AIDA: variants seen among roughly 807,000 people sequenced by gnomAD.
AIDA encodes the protein axin interactor, dorsalization associated, also known as axin interactor, dorsalization-associated protein.
A neutral mutation model predicts 42.7 loss-of-function variants in AIDA; 18 were observed. The observed-to-expected ratio is 0.42, with a 90% CI of 0.29 to 0.63. The LOEUF (loss-of-function observed/expected upper bound fraction) is 0.63, where lower values mean the gene tolerates loss of function less well. Among genes scored for constraint, AIDA ranks in the 20% least tolerant of loss-of-function variants. The probability of loss-of-function intolerance (pLI) is 0.19; values close to 1 mark genes in which losing one functional copy is unlikely to be tolerated. For missense variants in AIDA, 250 were observed against 354.1 expected (o/e 0.71, Z 2.36); for synonymous variants, 104 against 122.9 (o/e 0.85, Z 1.02).
chr1:222,673,968 T>A (rs928668281), intron 7 of AIDA, among the ~76,000 whole-genome samples: 1 of 151,200 alleles, frequency 6.6e-6, no homozygotes, highest in African/African-American at 2.4e-5. Flanking sequence ...ACACCTGTAA[T>A]CCCAGCTACT....
rs1462932146 is a variant in AIDA, at chr1:222,696,932, GTTT to G, written c.181-2672_181-2670del. 3.3e-5 allele frequency among the ~76,000 whole-genome samples: 5 copies of G among 151,878 alleles called. No individual in the cohort carries two copies. In the East Asian group the frequency reaches 9.7e-4, roughly 29 times the overall value. The stretch of plus-strand genomic sequence containing the variant: ...ATTTCTTGAAGCAGAAGCAACAGGT[GTTT>G]TTTGTTTGTTTTTGTTTTTTTTTAA... On this transcript the variant is annotated intron_variant, in intron 2 of 9. Coordinates refer to ENST00000340020, the MANE Select transcript of AIDA (RefSeq NM_022831.4).
At chr1:222,687,966 G>T (rs972206439) in intron 4 of AIDA, among the ~76,000 whole-genome samples, 26 of 152,166 alleles carry the variant, frequency 1.7e-4, no homozygotes, top group Admixed American at 1.3e-3. Flanking sequence ...GTGAGACATG[G>T]GGTACCAGAA....
At chr1:222,704,265 G>A (rs1429237828) in intron 1 of AIDA, among the ~76,000 whole-genome samples, 1 of 152,132 alleles carries the variant, frequency 6.6e-6, no homozygotes, top group Non-Finnish European at 1.5e-5. Context: ...AAACAATTTG[G>A]CCATTCCTCA....
chr1:222,704,603 G>T (rs577351525), intron 1 of AIDA, among the ~76,000 whole-genome samples: 77 of 152,222 alleles, frequency 5.1e-4, no homozygotes, highest in African/African-American at 1.8e-3. Flanking sequence ...GTCCAGACTA[G>T]ATCAATCCAC....
chr1:222,700,245 G>A (rs962671002), intron 2 of AIDA, among the ~76,000 whole-genome samples: 2 of 152,126 alleles, frequency 1.3e-5, no homozygotes, highest in Non-Finnish European at 2.9e-5. Flanking sequence ...CAGAAATCAG[G>A]CCTCCAGTAA....
intron 6 of AIDA, among the ~76,000 whole-genome samples, chr1:222,681,716 A>T (rs1477522890): frequency 2.0e-5 from 3 of 152,202 alleles, no homozygotes; most frequent in African/African-American, 4.8e-5. Context: ...CTAACCTAGC[A>T]ACAGGGCAGG....
At chr1:222,703,265 T>G (rs992636778) in intron 1 of AIDA, 48 bp from the exon 2 acceptor site, 7 of 1,366,700 alleles carry the variant, frequency 5.1e-6, no homozygotes, top group East Asian at 2.3e-5. Context: ...AGCAAACTAC[T>G]GCAACAAAGT....
intron 1 of AIDA, 68 bp downstream of exon 1, chr1:222,712,140 C>T: frequency 6.5e-7 from 1 of 1,548,332 alleles, no homozygotes; most frequent in Non-Finnish European, 8.7e-7. Flanking sequence ...ATGAGAGACA[C>T]CGACAGAAAC....
chr1:222,689,481 G>GTGTGTATATATA (rs1253190601), intron 4 of AIDA, among the ~76,000 whole-genome samples: 2 of 35,326 alleles, frequency 5.7e-5, no homozygotes, highest in Non-Finnish European at 1.2e-4. Context: ...GTGTGTGTGT[G>GTGTGTATATATA]TATATATATA....
chr1:222,678,886 T>C (rs1664603291), intron 6 of AIDA, among the ~76,000 whole-genome samples: 3 of 152,242 alleles, frequency 2.0e-5, no homozygotes, highest in South Asian at 4.1e-4. Flanking sequence ...CGTTCACTCA[T>C]AATATACTGT....
At chr1:222,678,488 AAAT>A (rs1230062455) in intron 6 of AIDA, among the ~76,000 whole-genome samples, 2 of 152,148 alleles carry the variant, frequency 1.3e-5, no homozygotes, top group South Asian at 2.1e-4. Context: ...CTTTTAGTTG[AAAT>A]AATGAGGCTG....
chr1:222,670,276 A>T (rs1664422332), intron 8 of AIDA, 26 bp from the exon 9 acceptor site: 1 of 1,555,628 alleles, frequency 6.4e-7, no homozygotes, highest in African/African-American at 1.4e-5. Context: ...AAGCCACATA[A>T]ACCACAGATA....
chr1:222,680,726 GA>G (rs914657633), intron 6 of AIDA, among the ~76,000 whole-genome samples: 2 of 151,230 alleles, frequency 1.3e-5, no homozygotes, highest in African/African-American at 2.4e-5. Flanking sequence ...TAAAGACACC[GA>G]TTATTTTGAT....
At chr1:222,703,332 T>A in intron 1 of AIDA, 115 bp from the exon 2 acceptor site, 11 of 654,226 alleles carry the variant, frequency 1.7e-5, no homozygotes, top group South Asian at 5.9e-5. Flanking sequence ...GTTTTTAAAA[T>A]ACAAATCTAC....
At chr1:222,711,524 G>C (rs1656037408) in intron 1 of AIDA, 1 of 152,254 alleles carries the variant, frequency 6.6e-6, no homozygotes, top group African/African-American at 2.4e-5. Flanking sequence ...AACCGAGCGA[G>C]GGGGTGGGTG....
At chr1:222,674,872 T>C (rs1664516999) in intron 7 of AIDA, among the ~76,000 whole-genome samples, 1 of 152,238 alleles carries the variant, frequency 6.6e-6, no homozygotes, top group African/African-American at 2.4e-5. Flanking sequence ...TAGTTCAACA[T>C]GTATGCAAAG....
At chr1:222,702,583 C>T (rs898932131) in intron 2 of AIDA, among the ~76,000 whole-genome samples, 6 of 152,152 alleles carry the variant, frequency 3.9e-5, no homozygotes, top group African/African-American at 1.4e-4. Flanking sequence ...AAACATTTTG[C>T]AACCTTACGC....
intron 6 of AIDA, among the ~76,000 whole-genome samples, chr1:222,678,462 C>G (rs1664593366): frequency 1.3e-5 from 2 of 152,006 alleles, no homozygotes; most frequent in Admixed American, 6.6e-5. Context: ...GTTTCATAAC[C>G]TGTAATTGTC....
intron 4 of AIDA, among the ~76,000 whole-genome samples, chr1:222,689,469 A>ATG (rs770894575): frequency 0.061 from 3,681 of 60,574 alleles, 151 homozygotes; most frequent in East Asian, 0.073. Context: ...GAAAATATGT[A>ATG]TGTGTGTGTG....
Sources: allele counts gnomAD v4.1 joint callset (sites outside exome capture counted in the v4.1 genomes callset), GRCh38; gene constraint gnomAD v4.1.1; transcripts MANE v1.5; gene names NCBI Gene and HGNC (gene_info 2026-07-23, HGNC 2026-07-21).